Variants in GNAQ observed in about 807,000 individuals in gnomAD.
GNAQ encodes the protein guanine nucleotide-binding protein G(q) subunit alpha.
GNAQ carries 8 observed loss-of-function variants against 43.9 expected under a neutral mutation model. The observed-to-expected ratio is 0.18, with a 90% CI of 0.11 to 0.33. The LOEUF is 0.33. Among genes scored for constraint, GNAQ ranks in the 10% least tolerant of loss-of-function variants. GNAQ has a pLI of 1.00. For synonymous variants in GNAQ, 155 were observed against 170.7 expected (o/e 0.91, Z 0.71); for missense variants, 158 against 450.8 (o/e 0.35, Z 5.88).
In GNAQ at chr9:77,823,653, C is replaced by T. The variant is rs528468448; in HGVS notation, c.322-7883G>A. On this transcript the variant is annotated intron_variant, in intron 2 of 6. Transcript: ENST00000286548. ...GTGGAAGGTGAAGGGGAAGCAAGCA[C>T]GTCTTACCGTGGTAGAGCAGGAGAG... Among the ~76,000 whole-genome samples the T allele has an allele frequency of 1.5e-4, 23 of 152,230 alleles. No homozygotes were observed. The South Asian group carries it at 4.4e-3, about 29-fold the overall frequency.
intron 2 of GNAQ, among the ~76,000 whole-genome samples, chr9:77,835,612 G>A (rs142701489): frequency 6.6e-6 from 1 of 152,234 alleles, no homozygotes; most frequent in East Asian, 1.9e-4. Flanking sequence ...GCACCAGGCA[G>A]GCACCATTCT....
rs1049823588 is a variant in GNAQ, at chr9:77,717,338, T to C, written c.*3985A>G. On this transcript the variant is annotated 3_prime_UTR_variant, in exon 7 of 7. Coordinates refer to ENST00000286548, the MANE Select transcript of GNAQ (RefSeq NM_002072.5). ...AAGAGCAGCAATATACATTACAATA[T>C]TTGGGTACACTTTATTTTTATATGG... is the stretch of plus-strand genomic sequence containing the variant. 8.6e-6 allele frequency: 2 copies of C among 232,376 alleles called. No homozygotes were observed. Among genetic ancestry groups the C allele is most frequent in the African/African-American group, 4.4e-5 (2 of 45,322 alleles). 14.4% of individuals were successfully genotyped at this position (232,376 alleles called of 1,614,324 possible).
chr9:77,717,467 T>C lies in GNAQ; in HGVS notation c.*3856A>G, dbSNP rs902352469. On this transcript the variant is annotated 3_prime_UTR_variant, in exon 7 of 7. Transcript: ENST00000286548. ...ATTTGAGGGAAATTTCCAACCAATATGTGAGTCTTGCAGTATTTCATTATA... is the reference window on the plus strand; with the variant it reads ...ATTTGAGGGAAATTTCCAACCAATACGTGAGTCTTGCAGTATTTCATTATA... The C allele has an allele frequency of 1.7e-5, 4 of 232,406 alleles. No individual in the cohort carries two copies. The highest frequency in any genetic ancestry group is 6.6e-5 in the African/African-American group (3 of 45,318). The allele number at this position is 232,406 out of a possible 1,614,324, so 14.4% of individuals were successfully genotyped here. A position where few individuals can be genotyped will look rare whatever the true frequency, so the allele number is the denominator to read the frequency against.
At chr9:78,006,802 C>G (rs1389235280) in intron 1 of GNAQ, among the ~76,000 whole-genome samples, 6 of 152,178 alleles carry the variant, frequency 3.9e-5, no homozygotes, top group Admixed American at 3.3e-4. Flanking sequence ...ATTTTCTTAA[C>G]CTCAGAGATA....
chr9:77,836,148 GT>G (rs1827380605), intron 2 of GNAQ, among the ~76,000 whole-genome samples: 3 of 151,968 alleles, frequency 2.0e-5, no homozygotes, highest in Admixed American at 2.0e-4. Context: ...AAGTCAGCGG[GT>G]ATAGTAAATT....
In GNAQ at chr9:77,857,268, A is replaced by G. The variant is rs534619180; in HGVS notation, c.322-41498T>C. Among the ~76,000 whole-genome samples, 8 of 152,334 alleles carry G rather than the reference A, an allele frequency of 5.3e-5. No homozygotes were observed. In the South Asian group the frequency reaches 1.0e-3, roughly 20 times the overall value. ...CCAAACATGGATTACTCTGTTGTGA[A>G]ATTCAATCACTTTCAACAGGCATCT... On this transcript the variant is annotated intron_variant, in intron 2 of 6. Coordinates refer to ENST00000286548, the MANE Select transcript of GNAQ (RefSeq NM_002072.5).
chr9:77,860,156 T>G (rs1242958327), intron 2 of GNAQ, among the ~76,000 whole-genome samples: 1 of 152,192 alleles, frequency 6.6e-6, no homozygotes, highest in Non-Finnish European at 1.5e-5. Flanking sequence ...TATTTCTTAG[T>G]AGCATGGCCC....
At chr9:77,773,295 T>C (rs963044523) in intron 5 of GNAQ, among the ~76,000 whole-genome samples, 3 of 152,224 alleles carry the variant, frequency 2.0e-5, no homozygotes, top group Non-Finnish European at 4.4e-5. Context: ...GAATTAGCCA[T>C]AGATGATAAT....
intron 5 of GNAQ, among the ~76,000 whole-genome samples, chr9:77,746,290 A>G (rs932309318): frequency 9.9e-5 from 15 of 152,196 alleles, no homozygotes; most frequent in Non-Finnish European, 2.2e-4. Flanking sequence ...AAAACAACAT[A>G]GGATCTAGAA....
At chr9:77,885,765 A>C in intron 2 of GNAQ, among the ~76,000 whole-genome samples, 1 of 151,926 alleles carries the variant, frequency 6.6e-6, no homozygotes, top group Non-Finnish European at 1.5e-5. Context: ...AGATTGAAAG[A>C]GAAAACTAGG....
At chr9:78,023,686 A>G (rs1241512246) in intron 1 of GNAQ, among the ~76,000 whole-genome samples, 1 of 152,202 alleles carries the variant, frequency 6.6e-6, no homozygotes, top group Non-Finnish European at 1.5e-5. Context: ...CATAAAAAAG[A>G]AACAAAAAAA....
rs991644427 is a variant in GNAQ at position 77,879,206 on chromosome 9, T to A, written c.321+42955A>T. On this transcript the variant is annotated intron_variant, in intron 2 of 6. Coordinates refer to ENST00000286548, the MANE Select transcript of GNAQ (RefSeq NM_002072.5). ...TGTAATTTTTTAAAGGACTATTTTTTAAAAAATTGTCTGTCACCCAGAAAT... is the reference window on the plus strand; with the variant it reads ...TGTAATTTTTTAAAGGACTATTTTTAAAAAAATTGTCTGTCACCCAGAAAT... Among the ~76,000 whole-genome samples, 3 of 152,206 alleles carry A rather than the reference T, an allele frequency of 2.0e-5. No individual in the cohort carries two copies. In the South Asian group the frequency reaches 6.2e-4, roughly 31 times the overall value.
At chr9:77,843,333 A>G (rs1827521884) in intron 2 of GNAQ, among the ~76,000 whole-genome samples, 1 of 152,214 alleles carries the variant, frequency 6.6e-6, no homozygotes, top group African/African-American at 2.4e-5. Flanking sequence ...GAGGCTGCAG[A>G]GGCAGGGACA....
At chr9:78,003,091 G>A (rs565319292) in intron 1 of GNAQ, among the ~76,000 whole-genome samples, 1 of 152,128 alleles carries the variant, frequency 6.6e-6, no homozygotes, top group Non-Finnish European at 1.5e-5. Flanking sequence ...ATAATGTAGA[G>A]GAAATTTAGC....
chr9:78,004,744 G>C (rs1274295072), intron 1 of GNAQ, among the ~76,000 whole-genome samples: 1 of 152,048 alleles, frequency 6.6e-6, no homozygotes, highest in Non-Finnish European at 1.5e-5. Flanking sequence ...ATCAGAAAAG[G>C]CAATGAGAAA....
intron 1 of GNAQ, among the ~76,000 whole-genome samples, chr9:77,995,069 C>A (rs1382415726): frequency 6.6e-6 from 1 of 152,180 alleles, no homozygotes; most frequent in Admixed American, 6.5e-5. Flanking sequence ...TACCCTATTA[C>A]AGTGTTCTAA....
At chr9:77,834,948 G>C (rs1037251529) in intron 2 of GNAQ, among the ~76,000 whole-genome samples, 5 of 152,142 alleles carry the variant, frequency 3.3e-5, no homozygotes, top group East Asian at 1.9e-4. Flanking sequence ...TTCAACTTTT[G>C]ATCAGCACAA....
At chr9:77,736,947 C>G (rs1260629360) in intron 5 of GNAQ, among the ~76,000 whole-genome samples, 1 of 152,186 alleles carries the variant, frequency 6.6e-6, no homozygotes, top group Non-Finnish European at 1.5e-5. Context: ...ACCAATTATC[C>G]TATGTGCCAT....
At chr9:77,929,936 TTAA>T (rs1183103317) in intron 1 of GNAQ, among the ~76,000 whole-genome samples, 4 of 152,180 alleles carry the variant, frequency 2.6e-5, no homozygotes, top group African/African-American at 7.2e-5. Context: ...TCAGAAATGG[TTAA>T]TAATGATTAT....
Sources: gnomAD v4.1 joint callset for allele counts (sites outside exome capture counted in the v4.1 genomes callset) on GRCh38, gnomAD v4.1.1 for gene constraint, MANE v1.5 for transcripts, NCBI Gene and HGNC (gene_info 2026-07-23, HGNC 2026-07-21) for gene names.